Variants in MCF2L observed in about 807,000 individuals in gnomAD.
MCF2L encodes MCF.2 cell line derived transforming sequence like.
Under a neutral mutation model 153.4 loss-of-function variants are expected in MCF2L, and 97 were observed. The observed-to-expected ratio is 0.63, with a 90% CI of 0.54 to 0.75. The LOEUF (loss-of-function observed/expected upper bound fraction) is 0.75. Ranked by LOEUF, MCF2L falls within the 30% of genes least tolerant of loss-of-function variation. The pLI is 0.00. For missense variants in MCF2L, 1,347 were observed against 1,495.2 expected (o/e 0.90, Z 1.64); for synonymous variants, 659 against 632.2 (o/e 1.04, Z -0.64).
chr13:112,958,934 C>T lies in MCF2L; in HGVS notation c.170-55829C>T, dbSNP rs967707581. 5.9e-5 allele frequency among the ~76,000 whole-genome samples: 9 copies of T among 152,086 alleles called. No individual in the cohort carries two copies. In the South Asian group the frequency reaches 1.0e-3, roughly 18 times the overall value. On this transcript the variant is annotated intron_variant, in intron 2 of 29. Transcript: ENST00000375608. ...AGCTGCCGTGGAAGCAAATCCTGGGCGGGAGGATGGCTGCACCTCCCCCCG... is the reference window on the plus strand; with the variant it reads ...AGCTGCCGTGGAAGCAAATCCTGGGTGGGAGGATGGCTGCACCTCCCCCCG...
At chr13:112,957,818 T>C (rs1180885001) in intron 2 of MCF2L, 1 of 152,144 alleles carries the variant, frequency 6.6e-6, no homozygotes, top group African/African-American at 2.4e-5. Flanking sequence ...TTTTGTGAAG[T>C]GAATTAACAT....
Position 113,096,773 on chromosome 13 carries a change from G to T in MCF2L, c.3293-1G>T. 1.9e-6 allele frequency: 3 copies of T among 1,568,188 alleles called. No homozygotes were observed. The highest frequency in any genetic ancestry group is 1.1e-5 in the South Asian group (1 of 87,096). On this transcript the variant is annotated splice_acceptor_variant, in intron 29 of 29. Coordinates refer to ENST00000535094, the MANE Select transcript of MCF2L (RefSeq NM_001112732.3). LOFTEE classifies it high-confidence loss of function. ...CCCGTCCCCGCCTGATCTCCCCGCA[G>T]AGTCGAGCCCGGGGTCGGCCGTGCT... is the stretch of plus-strand genomic sequence containing the variant.
At position 113,001,804 on chromosome 13, in the gene MCF2L, G is replaced by A. The variant is rs1352428327; in HGVS notation, c.80-12959G>A. ...CCCAGCAAACCCAGGAAGGTGTGGC[G>A]TCCCCGCTTCGCGGCCAAGATGGTG... On this transcript the variant is annotated intron_variant, in intron 1 of 29. Coordinates refer to ENST00000535094, the MANE Select transcript of MCF2L (RefSeq NM_001112732.3). 42 of 1,436,090 alleles carry A rather than the reference G, an allele frequency of 2.9e-5. 1 individual carries two copies. The highest frequency in any genetic ancestry group is 1.2e-4 in the Admixed American group (5 of 40,398). 89.0% of individuals were successfully genotyped at this position (1,436,090 alleles called of 1,614,324 possible).
At chr13:113,009,318 A>T (rs1268155473) in intron 1 of MCF2L, 1 of 152,268 alleles carries the variant, frequency 6.6e-6, no homozygotes, top group Non-Finnish European at 1.5e-5. Context: ...TGAGATCAGA[A>T]AAATAATATT....
rs1351466596 is a variant in MCF2L, at chr13:112,999,927, G to T, written c.80-14836G>T. ...AGGGCTGAAGTGCGGGCGGCGAGTG[G>T]GCTGGGAATGAAGACACCGGAGGGC... is the stretch of plus-strand genomic sequence containing the variant. On this transcript the variant is annotated intron_variant, in intron 1 of 29. Coordinates refer to ENST00000535094, the MANE Select transcript of MCF2L (RefSeq NM_001112732.3). 2.6e-5 allele frequency among the ~76,000 whole-genome samples: 4 copies of T among 151,602 alleles called. No homozygotes were observed. The East Asian group carries it at 7.8e-4, about 29-fold the overall frequency.
intron 7 of MCF2L, 139 bp from the exon 8 acceptor site, chr13:113,065,907 C>G (rs897587889): frequency 1.1e-6 from 1 of 884,236 alleles, no homozygotes; most frequent in African/African-American, 1.7e-5. Flanking sequence ...ACAGAAGAGA[C>G]TGGGAAGACT....
At position 113,082,405 on chromosome 13, in the gene MCF2L, G is replaced by A. The variant is rs572231295; in HGVS notation, c.1876-22G>A. Reference sequence around the variant, plus strand: ...CAGCATCAGGCCCAGGACCCCCGCCGACCTCTGCGCTCTCCCTGCAGGGCT... The same window carrying A: ...CAGCATCAGGCCCAGGACCCCCGCCAACCTCTGCGCTCTCCCTGCAGGGCT... On this transcript the variant is annotated intron_variant, in intron 16 of 29. Coordinates refer to ENST00000535094, the MANE Select transcript of MCF2L (RefSeq NM_001112732.3). 57 of 1,533,512 alleles carry A rather than the reference G, an allele frequency of 3.7e-5. No homozygotes were observed. The South Asian group carries it at 4.7e-4, about 13-fold the overall frequency. 95.0% of individuals were successfully genotyped at this position (1,533,512 alleles called of 1,614,324 possible). A position where few individuals can be genotyped will look rare whatever the true frequency, so the allele number is the denominator to read the frequency against.
At chr13:113,060,538 G>C in intron 4 of MCF2L, 55 bp from the exon 5 acceptor site, 1 of 1,598,742 alleles carries the variant, frequency 6.3e-7, no homozygotes, top group Non-Finnish European at 8.5e-7. Context: ...CGCACTAGGG[G>C]GGCTGCTGTC....
chr13:113,023,462 C>G (rs1051717381), intron 2 of MCF2L, among the ~76,000 whole-genome samples: 2 of 152,118 alleles, frequency 1.3e-5, no homozygotes, highest in Non-Finnish European at 2.9e-5. Flanking sequence ...AGCAGAAGTT[C>G]CGGAAGCTGG....
At chr13:113,011,981 TGGTGGACACTGCGATGAGGAC>T (rs1566733045) in intron 1 of MCF2L, among the ~76,000 whole-genome samples, 2 of 85,400 alleles carry the variant, frequency 2.3e-5, no homozygotes, top group East Asian at 4.8e-4. Flanking sequence ...GCTGGGTGGA[TGGTGGACACTGCGATGAGGAC>T]GGTGGACACT....
chr13:112,894,656 G>A (rs983123917), intron 1 of MCF2L, among the ~76,000 whole-genome samples: 2 of 152,128 alleles, frequency 1.3e-5, no homozygotes, highest in Non-Finnish European at 2.9e-5. Context: ...ACTTCGAGGC[G>A]CCTGGGGGGC....
intron 2 of MCF2L, chr13:112,917,076 C>A (rs887978349): frequency 4.2e-6 from 2 of 471,160 alleles, no homozygotes; most frequent in African/African-American, 4.0e-5. Context: ...TGTCGTTTCT[C>A]CTGTCTAAAC....
At chr13:112,898,357 C>T (rs964568635) in intron 1 of MCF2L, among the ~76,000 whole-genome samples, 5 of 152,172 alleles carry the variant, frequency 3.3e-5, no homozygotes, top group African/African-American at 7.2e-5. Context: ...GTGAGGTGGG[C>T]GCGTGTTTGT....
rs144330953 is a variant in MCF2L, at chr13:113,030,822, G to T, written c.278+6064G>T. Among the ~76,000 whole-genome samples the T allele has an allele frequency of 2.3e-3, 343 of 152,250 alleles. 2 individuals are homozygous for T. The highest frequency in any genetic ancestry group is 7.8e-3 in the African/African-American group (326 of 41,550). On this transcript the variant is annotated intron_variant, in intron 3 of 29. Coordinates refer to ENST00000535094, the MANE Select transcript of MCF2L (RefSeq NM_001112732.3). ...TTCCAGACCCTGTATGGCCCCCTTA[G>T]AACCACATGGCCGGGGAGGAGATGC...
chr13:112,921,328 T>C (rs1042187835), intron 2 of MCF2L, among the ~76,000 whole-genome samples: 2 of 152,196 alleles, frequency 1.3e-5, no homozygotes, highest in African/African-American at 4.8e-5. Context: ...CAACGCAGAA[T>C]TCAGAGCAAA....
chr13:113,002,198 G>A, intron 1 of MCF2L, among the ~76,000 whole-genome samples: 1 of 152,202 alleles, frequency 6.6e-6, no homozygotes, highest in African/African-American at 2.4e-5. Context: ...GGTGTGCACG[G>A]GCCTTGCCCG....
intron 1 of MCF2L, among the ~76,000 whole-genome samples, chr13:112,973,320 G>A (rs1448222022): frequency 6.6e-6 from 1 of 152,168 alleles, no homozygotes; most frequent in Non-Finnish European, 1.5e-5. Flanking sequence ...ACGTCTGTGT[G>A]GGTTGCTGAC....
chr13:112,916,889 C>T (rs899138752), intron 2 of MCF2L, among the ~76,000 whole-genome samples: 2 of 152,140 alleles, frequency 1.3e-5, no homozygotes, highest in African/African-American at 4.8e-5. Context: ...CTGTCCCCTG[C>T]CTGTCCCTGA....
chr13:113,011,647 G>T lies in MCF2L; in HGVS notation c.80-3116G>T, dbSNP rs575025051. Among the ~76,000 whole-genome samples, 9 of 106,616 alleles carry T rather than the reference G, an allele frequency of 8.4e-5. No homozygotes were observed. The East Asian group carries it at 2.5e-3, about 30-fold the overall frequency. 69.9% of individuals were successfully genotyped at this position (106,616 alleles called of 152,430 possible). A position where few individuals can be genotyped will look rare whatever the true frequency, so the allele number is the denominator to read the frequency against. On this transcript the variant is annotated intron_variant, in intron 1 of 29. Transcript: ENST00000535094. ...AGGTGGTGTGGACGGTGGACAGGCA[G>T]TGTGGACGGTGGACACTGTGATGCA...
Sources: gnomAD v4.1 joint callset for allele counts (sites outside exome capture counted in the v4.1 genomes callset) on GRCh38, gnomAD v4.1.1 for gene constraint, MANE v1.5 for transcripts, NCBI Gene and HGNC (gene_info 2026-07-23, HGNC 2026-07-21) for gene names.